NYAP2: variants seen among roughly 807,000 people sequenced by gnomAD.
NYAP2 encodes the protein neuronal tyrosine-phosphorylated phosphoinositide-3-kinase adaptor 2.
Under a neutral mutation model 50.4 loss-of-function variants are expected in NYAP2, and 23 were observed. The ratio of observed to expected loss-of-function variants is 0.46; its 90% CI spans 0.33 to 0.65. The LOEUF is 0.65. Ranked by LOEUF, NYAP2 falls within the 30% of genes least tolerant of loss-of-function variation. NYAP2 has a pLI of 0.02. For synonymous variants in NYAP2, 394 were observed against 365.2 expected, an observed-to-expected ratio of 1.08 and a Z score of -0.90; for missense variants, 885 against 861.0, an observed-to-expected ratio of 1.03 and a Z score of -0.35.
At chr2:225,511,373 CAGAGAG>C (rs67828728) in intron 3 of NYAP2, among the ~76,000 whole-genome samples, 3 of 117,768 alleles carry the variant, frequency 2.5e-5, no homozygotes, top group Non-Finnish European at 5.3e-5. Flanking sequence ...CACACACACA[CAGAGAG>C]AGAGAGAGAG....
At chr2:225,540,686 A>G (rs956817912) in intron 4 of NYAP2, among the ~76,000 whole-genome samples, 2 of 152,168 alleles carry the variant, frequency 1.3e-5, no homozygotes, top group African/African-American at 2.4e-5. Context: ...CCATTCATCT[A>G]TTGATGGACA....
chr2:225,563,288 AGT>A (rs1691905842), intron 4 of NYAP2, among the ~76,000 whole-genome samples: 1 of 152,152 alleles, frequency 6.6e-6, no homozygotes, highest in Admixed American at 6.6e-5. Flanking sequence ...GAGGTCCTTG[AGT>A]GAACATTAAA....
At chr2:225,561,425 T>C (rs1418782643) in intron 4 of NYAP2, among the ~76,000 whole-genome samples, 1 of 152,024 alleles carries the variant, frequency 6.6e-6, no homozygotes, top group Non-Finnish European at 1.5e-5. Flanking sequence ...AAAGATGAAG[T>C]TGGAAGGACG....
chr2:225,661,178 T>G, the NYAP2 span, among the ~76,000 whole-genome samples: 2 of 152,240 alleles, frequency 1.3e-5, no homozygotes, highest in African/African-American at 4.8e-5. Flanking sequence ...TCTTGCTAAC[T>G]TGTGGGTAAA....
chr2:225,651,849 T>C (rs969356706), exon 7 of NYAP2: 8 of 287,410 alleles, frequency 2.8e-5, no homozygotes, highest in African/African-American at 4.4e-5. Flanking sequence ...GCTTAGTGGT[T>C]CTTTTTTAAA....
At chr2:225,631,428 T>C (rs1200700803) in intron 6 of NYAP2, among the ~76,000 whole-genome samples, 1 of 152,170 alleles carries the variant, frequency 6.6e-6, no homozygotes, top group African/African-American at 2.4e-5. Context: ...TTCTTTATCT[T>C]AGATTATGAA....
chr2:225,675,572 C>T, the NYAP2 span, among the ~76,000 whole-genome samples: 3,485 of 152,134 alleles, frequency 0.023, 150 homozygotes, highest in African/African-American at 0.079. Context: ...AGGTTGATTC[C>T]ACTTCCTTGC....
intron 3 of NYAP2, among the ~76,000 whole-genome samples, chr2:225,443,722 T>C (rs186249662): frequency 1.6e-4 from 24 of 152,374 alleles, no homozygotes; most frequent in Non-Finnish European, 2.5e-4. Context: ...TTATTTTTTA[T>C]TGGAAGCAAA....
At chr2:225,669,331 G>A in the NYAP2 span, among the ~76,000 whole-genome samples, 4 of 152,014 alleles carry the variant, frequency 2.6e-5, no homozygotes, top group African/African-American at 7.2e-5. Context: ...AGGCCTTAAC[G>A]TAGGTTTCTG....
At chr2:225,530,522 G>GCCTA (rs1691236214) in intron 4 of NYAP2, among the ~76,000 whole-genome samples, 1 of 152,066 alleles carries the variant, frequency 6.6e-6, no homozygotes, top group Non-Finnish European at 1.5e-5. Context: ...GGCTTTTTAT[G>GCCTA]CCTAACCCTC....
intron 5 of NYAP2, among the ~76,000 whole-genome samples, chr2:225,621,906 A>G (rs1353318745): frequency 6.6e-6 from 1 of 152,052 alleles, no homozygotes; most frequent in Non-Finnish European, 1.5e-5. Context: ...ATAATACCCC[A>G]CTGTATGCCT....
chr2:225,638,628 A>G (rs748285302), intron 6 of NYAP2, among the ~76,000 whole-genome samples: 17 of 152,170 alleles, frequency 1.1e-4, no homozygotes, highest in Non-Finnish European at 2.2e-4. Context: ...GCGAACAACC[A>G]TGATGTCTCC....
intron 6 of NYAP2, among the ~76,000 whole-genome samples, chr2:225,633,599 G>A (rs1693357659): frequency 6.6e-6 from 1 of 152,162 alleles, no homozygotes; most frequent in South Asian, 2.1e-4. Flanking sequence ...TTTGTTAGAA[G>A]CATTGCTAAG....
chr2:225,576,972 T>G (rs1156601611), intron 4 of NYAP2, among the ~76,000 whole-genome samples: 1 of 152,124 alleles, frequency 6.6e-6, no homozygotes, highest in East Asian at 1.9e-4. Context: ...TTTTCACCTC[T>G]TGGGTCAAGA....
chr2:225,595,823 G>A (rs1692587074), intron 5 of NYAP2, among the ~76,000 whole-genome samples: 1 of 152,096 alleles, frequency 6.6e-6, no homozygotes, highest in Admixed American at 6.5e-5. Flanking sequence ...ATCCACTTAA[G>A]TGAATGTGCT....
chr2:225,478,149 T>G (rs1292000936), intron 3 of NYAP2, among the ~76,000 whole-genome samples: 2 of 152,188 alleles, frequency 1.3e-5, no homozygotes, highest in African/African-American at 4.8e-5. Context: ...TGAGGCAAAC[T>G]ACACTTAGTA....
intron 6 of NYAP2, among the ~76,000 whole-genome samples, chr2:225,646,796 T>C (rs1559239556): frequency 1.3e-5 from 2 of 152,246 alleles, no homozygotes. Context: ...CCATGTTCAA[T>C]GGGTGGTTAG....
chr2:225,611,617 A>G (rs1692886447), intron 5 of NYAP2, among the ~76,000 whole-genome samples: 1 of 151,904 alleles, frequency 6.6e-6, no homozygotes, highest in Non-Finnish European at 1.5e-5. Context: ...ATCATCTATT[A>G]TATCTTTTCA....
intron 5 of NYAP2, among the ~76,000 whole-genome samples, chr2:225,602,469 C>G (rs1472288484): frequency 6.6e-6 from 1 of 152,106 alleles, no homozygotes; most frequent in Non-Finnish European, 1.5e-5. Context: ...TGAGGCTGTT[C>G]TTTGTTTGAA....
Sources: gnomAD v4.1 joint callset for allele counts (sites outside exome capture counted in the v4.1 genomes callset) on GRCh38, gnomAD v4.1.1 for gene constraint, MANE v1.5 for transcripts, NCBI Gene and HGNC (gene_info 2026-07-23, HGNC 2026-07-21) for gene names.